ZMAT4: variants seen among roughly 807,000 people sequenced by gnomAD.
ZMAT4 encodes the protein zinc finger matrin-type protein 4.
Under a neutral mutation model 28.7 loss-of-function variants are expected in ZMAT4, and 17 were observed. The observed-to-expected ratio is 0.59, with a 90% CI of 0.41 to 0.89. The LOEUF is 0.89. Ranked by LOEUF, ZMAT4 falls within the 40% of genes least tolerant of loss-of-function variation. The pLI is 0.00. For missense variants in ZMAT4, 240 were observed against 283.8 expected (o/e 0.85, Z 1.11); for synonymous variants, 117 against 109.2 (o/e 1.07, Z -0.44).
At chr8:40,746,967 G>A (rs997532983) in intron 3 of ZMAT4, among the ~76,000 whole-genome samples, 5 of 152,032 alleles carry the variant, frequency 3.3e-5, no homozygotes, top group South Asian at 2.1e-4. Context: ...CCCTCATTCC[G>A]AGGCTGGTGA....
chr8:40,638,639 T>G (rs1214333251), intron 5 of ZMAT4, among the ~76,000 whole-genome samples: 1 of 152,198 alleles, frequency 6.6e-6, no homozygotes, highest in Non-Finnish European at 1.5e-5. Flanking sequence ...AGGAAACAAG[T>G]GCATTCATGA....
intron 3 of ZMAT4, among the ~76,000 whole-genome samples, chr8:40,762,729 C>T (rs1410445751): frequency 6.6e-6 from 1 of 152,096 alleles, no homozygotes; most frequent in Non-Finnish European, 1.5e-5. Flanking sequence ...AATCCAGCAA[C>T]CACCAGCATC....
At chr8:40,621,812 T>C (rs1305675484) in intron 5 of ZMAT4, among the ~76,000 whole-genome samples, 1 of 152,204 alleles carries the variant, frequency 6.6e-6, no homozygotes, top group Non-Finnish European at 1.5e-5. Context: ...TAAGATTTAA[T>C]ATTCTAGTGG....
chr8:40,756,114 G>A (rs1812666760), intron 3 of ZMAT4, among the ~76,000 whole-genome samples: 2 of 151,966 alleles, frequency 1.3e-5, no homozygotes, highest in South Asian at 2.1e-4. Flanking sequence ...TCCCACCAGG[G>A]GTACTTTGAG....
intron 5 of ZMAT4, among the ~76,000 whole-genome samples, chr8:40,588,216 T>C (rs1421510230): frequency 6.6e-6 from 1 of 151,914 alleles, no homozygotes; most frequent in Non-Finnish European, 1.5e-5. Flanking sequence ...CTTCATGAAA[T>C]TAGAACAGGC....
chr8:40,585,303 A>G (rs1804629969), intron 5 of ZMAT4, among the ~76,000 whole-genome samples: 1 of 152,186 alleles, frequency 6.6e-6, no homozygotes, highest in South Asian at 2.1e-4. Context: ...CTGCCAGTTC[A>G]GAGATAAAAC....
intron 5 of ZMAT4, among the ~76,000 whole-genome samples, chr8:40,617,322 C>A (rs558511085): frequency 6.6e-6 from 1 of 152,186 alleles, no homozygotes; most frequent in South Asian, 2.1e-4. Context: ...TTCGGGGTCC[C>A]TCCAGACCTA....
At chr8:40,789,728 T>C (rs1814244267) in intron 2 of ZMAT4, among the ~76,000 whole-genome samples, 2 of 151,994 alleles carry the variant, frequency 1.3e-5, no homozygotes, top group South Asian at 4.1e-4. Flanking sequence ...TAAAAACAAA[T>C]AGTACTCTGA....
At chr8:40,694,047 C>T (rs1364365654) in intron 4 of ZMAT4, among the ~76,000 whole-genome samples, 1 of 152,184 alleles carries the variant, frequency 6.6e-6, no homozygotes, top group African/African-American at 2.4e-5. Context: ...ATTCAGTTGA[C>T]TGGATTTTCT....
chr8:40,853,854 T>C (rs1817203639), intron 1 of ZMAT4, among the ~76,000 whole-genome samples: 2 of 152,230 alleles, frequency 1.3e-5, no homozygotes, highest in Non-Finnish European at 2.9e-5. Context: ...TGTATTTGTC[T>C]GTATGATGCT....
chr8:40,862,275 A>G (rs1399800836), intron 1 of ZMAT4, among the ~76,000 whole-genome samples: 2 of 151,934 alleles, frequency 1.3e-5, no homozygotes, highest in East Asian at 3.9e-4. Flanking sequence ...TTGTAGGGAC[A>G]TGGATGAAGC....
At chr8:40,535,755 TGTG>T (rs1802826117) in intron 6 of ZMAT4, among the ~76,000 whole-genome samples, 1 of 151,990 alleles carries the variant, frequency 6.6e-6, no homozygotes, top group African/African-American at 2.4e-5. Context: ...ACTTTGACCA[TGTG>T]AGTTTGAAGG....
intron 4 of ZMAT4, among the ~76,000 whole-genome samples, chr8:40,685,198 G>A (rs1809348342): frequency 6.6e-6 from 1 of 152,048 alleles, no homozygotes; most frequent in Non-Finnish European, 1.5e-5. Flanking sequence ...AAGGTAGATG[G>A]GGCTACTCTG....
At chr8:40,593,413 C>G (rs1804960953) in intron 5 of ZMAT4, among the ~76,000 whole-genome samples, 1 of 152,178 alleles carries the variant, frequency 6.6e-6, no homozygotes. Context: ...CACGCTTCTT[C>G]CCTTCCCTCT....
chr8:40,534,276 T>G (rs1315615661), intron 6 of ZMAT4, among the ~76,000 whole-genome samples: 1 of 152,228 alleles, frequency 6.6e-6, no homozygotes. Context: ...CTGTTATTTT[T>G]GCTGGAAAGG....
At chr8:40,556,402 T>G (rs954319537) in intron 6 of ZMAT4, among the ~76,000 whole-genome samples, 10 of 152,176 alleles carry the variant, frequency 6.6e-5, no homozygotes, top group African/African-American at 2.2e-4. Context: ...GAGTGATACC[T>G]CCATCATCAA....
chr8:40,602,580 T>C (rs544766448), intron 5 of ZMAT4, among the ~76,000 whole-genome samples: 1 of 152,316 alleles, frequency 6.6e-6, no homozygotes, highest in Admixed American at 6.5e-5. Flanking sequence ...AGGAGTAAAG[T>C]GATATTGCTT....
rs190707370 is a variant in ZMAT4, at chr8:40,681,193, T to C, written c.350-6262A>G. Among the ~76,000 whole-genome samples, 13 of 152,272 alleles carry C rather than the reference T, an allele frequency of 8.5e-5. No homozygotes were observed. In the East Asian group the frequency reaches 2.1e-3, roughly 25 times the overall value. On this transcript the variant is annotated intron_variant, in intron 4 of 6. Transcript: ENST00000297737. ...CTGGACTCTAAGACCAGCCCCATAT[T>C]TCAATGTCAACTCGTTTCCAATAAT...
At chr8:40,783,440 T>C (rs149451929) in intron 2 of ZMAT4, among the ~76,000 whole-genome samples, 94 of 152,300 alleles carry the variant, frequency 6.2e-4, no homozygotes, top group African/African-American at 2.2e-3. Context: ...ACTACTAACC[T>C]ATGCTGCTAG....
Sources: gnomAD v4.1 joint callset for allele counts (sites outside exome capture counted in the v4.1 genomes callset) on GRCh38, gnomAD v4.1.1 for gene constraint, MANE v1.5 for transcripts, NCBI Gene and HGNC (gene_info 2026-07-23, HGNC 2026-07-21) for gene names.